Variants in LGMN observed in about 807,000 individuals in gnomAD.
The protein encoded by LGMN is asparaginyl endopeptidase.
A neutral mutation model predicts 56.8 loss-of-function variants in LGMN; 36 were observed. The ratio of observed to expected loss-of-function variants is 0.63; its 90% CI spans 0.49 to 0.84. The LOEUF (loss-of-function observed/expected upper bound fraction) is 0.84, where lower values mean the gene tolerates loss of function less well. Among genes scored for constraint, LGMN ranks in the 40% least tolerant of loss-of-function variants. The pLI, the probability that LGMN is intolerant of heterozygous loss-of-function variation, is 0.00. For missense variants in LGMN, 446 were observed against 556.1 expected, an observed-to-expected ratio of 0.80 and a Z score of 1.99; for synonymous variants, 199 against 210.1, an observed-to-expected ratio of 0.95 and a Z score of 0.46.
At position 92,729,470 on chromosome 14, in the gene LGMN, C is replaced by G. The variant is rs533551161; in HGVS notation, c.138+3179G>C. Among the ~76,000 whole-genome samples, 12 of 62,710 alleles carry G rather than the reference C, an allele frequency of 1.9e-4. 3 individuals carry two copies. Among genetic ancestry groups the G allele is most frequent in the Non-Finnish European group, 2.8e-4 (8 of 28,150 alleles). 41.1% of individuals were successfully genotyped at this position (62,710 alleles called of 152,430 possible). ...TGCCCACATCACCTCAGATCACGCC[C>G]CCCCCCCCCGCCCCCGTTAAACACT... On this transcript the variant is annotated intron_variant, in intron 2 of 13. Transcript: ENST00000334869.
chr14:92,709,896 G>GAA lies in LGMN; in HGVS notation c.820-25_820-24insTT, dbSNP rs775474073. ...GTCTGGGGAGACAGACAGCAAGAGA[G>GAA]AGCGAGAGAGAAAGCGAGAGAGAGT... On this transcript the variant is annotated intron_variant, in intron 10 of 13. Coordinates refer to ENST00000334869, the MANE Select transcript of LGMN (RefSeq NM_005606.7). 8 of 1,556,802 alleles carry GAA rather than the reference G, an allele frequency of 5.1e-6. No homozygotes were observed. The African/African-American group carries it at 1.1e-4, about 21-fold the overall frequency.
chr14:92,719,347 A>ACCG lies in LGMN; in HGVS notation c.139-504_139-503insCGG, dbSNP rs1566924790. On this transcript the variant is annotated intron_variant, in intron 2 of 13. Coordinates refer to ENST00000334869, the MANE Select transcript of LGMN (RefSeq NM_005606.7). ...CGCCACCGCCACCGCCATCACCGCCACCACCACCAACACCACCACCACCAC... is the reference window on the plus strand; with the variant it reads ...CGCCACCGCCACCGCCATCACCGCCACCGCCACCACCAACACCACCACCACCAC... 6.5e-5 allele frequency among the ~76,000 whole-genome samples: 8 copies of ACCG among 123,568 alleles called. 1 individual carries two copies. The highest frequency in any genetic ancestry group is 5.6e-4 in the South Asian group (2 of 3,570). 81.1% of individuals were successfully genotyped at this position (123,568 alleles called of 152,430 possible).
At chr14:92,747,621 C>G (rs1891879817) in intron 1 of LGMN, among the ~76,000 whole-genome samples, 1 of 152,202 alleles carries the variant, frequency 6.6e-6, no homozygotes, top group South Asian at 2.1e-4. Context: ...ATACTCCAGC[C>G]CTTTAACACT....
Position 92,717,403 on chromosome 14 carries a change from C to T in LGMN, c.295G>A (p.Val99Ile), listed in dbSNP as rs765630337. ...RPNGTDVYQGVPKDYTGEDVT... is the reference protein window; with the variant it reads ...RPNGTDVYQGIPKDYTGEDVT... The stretch of plus-strand genomic sequence containing the variant: ...ACCTCTCCAGTGTAGTCCTTCGGGA[C>T]TCCCTGATAGACATCTGTGCCATTG... Residue 99 changes from valine (V) to isoleucine (I), a missense_variant, in exon 4 of 14, where the codon GTC becomes ATC. Coordinates refer to ENST00000334869, the MANE Select transcript of LGMN (RefSeq NM_005606.7). 1 of 1,611,682 alleles carries T rather than the reference C, an allele frequency of 6.2e-7. No individual in the cohort carries two copies. The highest frequency in any genetic ancestry group is 8.5e-7 in the Non-Finnish European group (1 of 1,178,128).
At chr14:92,717,683 C>T (rs1267551684) in intron 3 of LGMN, among the ~76,000 whole-genome samples, 1 of 152,186 alleles carries the variant, frequency 6.6e-6, no homozygotes, top group East Asian at 1.9e-4. Flanking sequence ...AGGAGCTGAG[C>T]CCGAAAAGCC....
At chr14:92,745,621 G>A (rs1030430177) in intron 1 of LGMN, among the ~76,000 whole-genome samples, 7 of 152,126 alleles carry the variant, frequency 4.6e-5, no homozygotes, top group Non-Finnish European at 8.8e-5. Flanking sequence ...CCTAGTAATG[G>A]ACATTTAGGC....
intron 1 of LGMN, 79 bp from the exon 2 acceptor site, chr14:92,732,894 T>C: frequency 4.4e-6 from 5 of 1,147,040 alleles, no homozygotes; most frequent in Non-Finnish European, 6.1e-6. Context: ...CTCACACCTG[T>C]AATTCCAGCA....
intron 2 of LGMN, 188 bp downstream of exon 2, chr14:92,732,461 T>C (rs1891096843): frequency 1.6e-6 from 1 of 628,648 alleles, no homozygotes; most frequent in Non-Finnish European, 2.7e-6. Context: ...TACACCATCT[T>C]ATAATCCTCC....
intron 2 of LGMN, among the ~76,000 whole-genome samples, chr14:92,721,715 CAAAAGCCAAGA>C (rs1890488536): frequency 6.6e-6 from 1 of 152,106 alleles, no homozygotes; most frequent in Non-Finnish European, 1.5e-5. Context: ...ACTTTAACAG[CAAAAGCCAAGA>C]AATAACTCCA....
chr14:92,748,003 G>A (rs1380644187), intron 1 of LGMN, among the ~76,000 whole-genome samples: 1 of 152,138 alleles, frequency 6.6e-6, no homozygotes, highest in Non-Finnish European at 1.5e-5. Context: ...GAGCTTCCCT[G>A]ACTTCTCTAA....
chr14:92,708,550 G>C (rs967666428), intron 11 of LGMN, among the ~76,000 whole-genome samples: 3 of 152,080 alleles, frequency 2.0e-5, no homozygotes, highest in African/African-American at 7.2e-5. Flanking sequence ...CACACACAGG[G>C]CACCAATTTT....
At chr14:92,708,463 G>A (rs1889559404) in intron 11 of LGMN, among the ~76,000 whole-genome samples, 1 of 152,026 alleles carries the variant, frequency 6.6e-6, no homozygotes, top group Non-Finnish European at 1.5e-5. Flanking sequence ...AGAGGCCCAA[G>A]ACTAAAATGT....
rs1211097632 is a variant in LGMN, at chr14:92,719,236, GCCACCACCGCCACCACCACCA to G, written c.139-413_139-393del. On this transcript the variant is annotated intron_variant, in intron 2 of 13. Transcript: ENST00000334869. ...CGCCACCAACACCACCACCGCCACC[GCCACCACCGCCACCACCACCA>G]CCGCCACCGCCGCCGCCGCCACCGC... 1.1e-3 allele frequency among the ~76,000 whole-genome samples: 78 copies of G among 72,866 alleles called. 1 individual carries two copies. The highest frequency in any genetic ancestry group is 4.4e-3 in the African/African-American group (69 of 15,594). The allele number at this position is 72,866 out of a possible 152,430, so 47.8% of individuals were successfully genotyped here.
At chr14:92,723,835 G>A (rs1327306570) in intron 2 of LGMN, among the ~76,000 whole-genome samples, 1 of 152,092 alleles carries the variant, frequency 6.6e-6, no homozygotes, top group Non-Finnish European at 1.5e-5. Flanking sequence ...GGGTCCAAGC[G>A]ATTCTTGAAA....
At chr14:92,724,137 T>C (rs1890631331) in intron 2 of LGMN, among the ~76,000 whole-genome samples, 1 of 152,232 alleles carries the variant, frequency 6.6e-6, no homozygotes, top group Non-Finnish European at 1.5e-5. Flanking sequence ...TTAATTAAAC[T>C]CAATGTGTGA....
Position 92,716,147 on chromosome 14 carries a change from T to C in LGMN, c.393A>G (p.Lys131=). The C allele has an allele frequency of 6.2e-7, 1 of 1,611,318 alleles. No homozygotes were observed. Among genetic ancestry groups the C allele is most frequent in the South Asian group, 1.1e-5 (1 of 90,834 alleles). ...TAAACAGACATTACCTCTTCAGGACTTTGCCGGATCCTATGCCCTTCACTG... is the reference window on the plus strand; with the variant it reads ...TAAACAGACATTACCTCTTCAGGACCTTGCCGGATCCTATGCCCTTCACTG... ...AEAVKGIGSG[K]VLKSGPQDHV... Residue 131 remains lysine, a synonymous_variant, in exon 5 of 14, where the codon AAA becomes AAG. Coordinates refer to ENST00000334869, the MANE Select transcript of LGMN (RefSeq NM_005606.7).
chr14:92,709,003 T>G (rs1014459659), intron 11 of LGMN, among the ~76,000 whole-genome samples: 2 of 152,114 alleles, frequency 1.3e-5, no homozygotes, highest in Non-Finnish European at 2.9e-5. Flanking sequence ...TGCCCAGCAT[T>G]CCGGTGAGCA....
chr14:92,718,751 C>G lies in LGMN; in HGVS notation c.232G>C (p.Glu78Gln), dbSNP rs766481771. The G allele has an allele frequency of 7.5e-6, 12 of 1,599,364 alleles. No individual in the cohort carries two copies. In the East Asian group the frequency reaches 2.7e-4, roughly 36 times the overall value. ...TTCCAAGTGTTCCCCACTTACTCTT[C>G]AGAGTAAGCAATGTCATCGTACATC... ...VMMYDDIAYS[E>Q]DNPTPGIVIN... Residue 78 changes from glutamate to glutamine, a missense_variant, in exon 3 of 14, where the codon GAA becomes CAA. Physicochemically the swap from Glu to Gln is conservative, Grantham distance 29. Transcript: ENST00000334869.
chr14:92,713,612 G>A (rs573043593), intron 7 of LGMN, among the ~76,000 whole-genome samples: 4 of 152,278 alleles, frequency 2.6e-5, no homozygotes, highest in South Asian at 2.1e-4. Flanking sequence ...CTCTGGGGGC[G>A]AGGCCCACAC....
Sources: gnomAD v4.1 joint callset for allele counts (sites outside exome capture counted in the v4.1 genomes callset) on GRCh38, gnomAD v4.1.1 for gene constraint, MANE v1.5 for transcripts, NCBI Gene and HGNC (gene_info 2026-07-23, HGNC 2026-07-21) for gene names.